GLIS3: variants seen among roughly 807,000 people sequenced by gnomAD.
GLIS3 encodes the protein zinc finger protein GLIS3.
Under a neutral mutation model 78.6 loss-of-function variants are expected in GLIS3, and 53 were observed. The observed-to-expected ratio is 0.67, with a 90% CI of 0.54 to 0.85. The LOEUF (loss-of-function observed/expected upper bound fraction) is 0.85. Among genes scored for constraint, GLIS3 ranks in the 40% least tolerant of loss-of-function variants. The probability of loss-of-function intolerance (pLI) is 0.00; values close to 1 mark genes in which losing one functional copy is unlikely to be tolerated. For missense variants in GLIS3, 1,703 were observed against 1,231.1 expected (o/e 1.38, Z -5.74); for synonymous variants, 684 against 509.9 (o/e 1.34, Z -4.60).
intron 2 of GLIS3, among the ~76,000 whole-genome samples, chr9:4,340,781 G>A (rs1048562074): frequency 2.6e-5 from 4 of 152,084 alleles, no homozygotes; most frequent in Non-Finnish European, 5.9e-5. Context: ...CTGAACCTCC[G>A]CCTCCTGGGT....
At chr9:4,370,714 T>C in the GLIS3 span, among the ~76,000 whole-genome samples, 1 of 151,364 alleles carries the variant, frequency 6.6e-6, no homozygotes, top group Non-Finnish European at 1.5e-5. Flanking sequence ...TAAAATATAT[T>C]ATTTTTAATT....
chr9:4,173,606 A>G (rs922109146), intron 2 of GLIS3, among the ~76,000 whole-genome samples: 2 of 145,768 alleles, frequency 1.4e-5, no homozygotes, highest in Non-Finnish European at 3.0e-5. Flanking sequence ...ACACACATAT[A>G]TATGTTTGTT....
intron 4 of GLIS3, among the ~76,000 whole-genome samples, chr9:4,000,717 C>CAGCT (rs1821070322): frequency 6.6e-6 from 1 of 152,206 alleles, no homozygotes; most frequent in South Asian, 2.1e-4. Context: ...GTTACCTTTG[C>CAGCT]AGCTTCCTCC....
intron 2 of GLIS3, among the ~76,000 whole-genome samples, chr9:4,236,206 AAGAAAG>A (rs1441287955): frequency 2.1e-5 from 3 of 140,354 alleles, no homozygotes; most frequent in Non-Finnish European, 4.7e-5. Context: ...AAAAAAAAAA[AAGAAAG>A]AAAGAAAGAA....
At chr9:4,125,211 C>T (rs762460297) in intron 3 of GLIS3, among the ~76,000 whole-genome samples, 22 of 152,204 alleles carry the variant, frequency 1.4e-4, no homozygotes, top group Non-Finnish European at 3.2e-4. Flanking sequence ...TATCTTTACT[C>T]TCTCTACTAG....
intron 2 of GLIS3, among the ~76,000 whole-genome samples, chr9:4,219,956 T>A (rs886951100): frequency 1.3e-5 from 2 of 152,138 alleles, no homozygotes; most frequent in African/African-American, 4.8e-5. Context: ...CAGCTCTCTG[T>A]GGAAATGGCT....
At chr9:4,219,862 G>C (rs1041619996) in intron 2 of GLIS3, among the ~76,000 whole-genome samples, 8 of 152,136 alleles carry the variant, frequency 5.3e-5, no homozygotes, top group Admixed American at 6.5e-5. Context: ...AGAGAGCCTA[G>C]AAGCAATGAC....
At chr9:4,372,593 A>G in the GLIS3 span, among the ~76,000 whole-genome samples, 3 of 151,752 alleles carry the variant, frequency 2.0e-5, no homozygotes, top group Non-Finnish European at 4.4e-5. Flanking sequence ...GCGTGCACCT[A>G]AATTCTAACT....
chr9:4,429,385 T>C, the GLIS3 span, among the ~76,000 whole-genome samples: 1 of 152,094 alleles, frequency 6.6e-6, no homozygotes, highest in South Asian at 2.1e-4. Flanking sequence ...TTGTGTTTTC[T>C]ATGTTTTCTC....
At chr9:4,488,908 CT>C in the GLIS3 span, among the ~76,000 whole-genome samples, 48 of 152,006 alleles carry the variant, frequency 3.2e-4, no homozygotes, top group African/African-American at 1.2e-3. Flanking sequence ...GCTCTGTCGC[CT>C]AGGCTGGAGC....
At chr9:3,966,791 CA>C (rs949252663) in intron 4 of GLIS3, among the ~76,000 whole-genome samples, 10 of 150,434 alleles carry the variant, frequency 6.6e-5, no homozygotes, top group African/African-American at 2.4e-4. Flanking sequence ...AAACAAAAAA[CA>C]AAAAACCCTT....
chr9:4,434,615 G>C, the GLIS3 span, among the ~76,000 whole-genome samples: 1 of 152,110 alleles, frequency 6.6e-6, no homozygotes, highest in African/African-American at 2.4e-5. Flanking sequence ...TGAATGGATG[G>C]ATACATGGAG....
chr9:4,373,780 G>C, the GLIS3 span, among the ~76,000 whole-genome samples: 1 of 150,758 alleles, frequency 6.6e-6, no homozygotes. Flanking sequence ...CAATTCTCCT[G>C]CCTCAGTCTC....
chr9:4,063,043 A>G lies in GLIS3; in HGVS notation c.1710+54725T>C, dbSNP rs184725003. On this transcript the variant is annotated intron_variant, in intron 4 of 10. Transcript: ENST00000381971. ...TTGGAATAAACTCTCTTGACTCTTTATCTCACCAGATTAATATACAGATGG... is the reference window on the plus strand; with the variant it reads ...TTGGAATAAACTCTCTTGACTCTTTGTCTCACCAGATTAATATACAGATGG... Among the ~76,000 whole-genome samples the G allele has an allele frequency of 2.6e-5, 4 of 152,270 alleles. No homozygotes were observed. In the East Asian group the frequency reaches 7.7e-4, roughly 29 times the overall value.
chr9:4,483,484 C>G, the GLIS3 span, among the ~76,000 whole-genome samples: 1 of 151,990 alleles, frequency 6.6e-6, no homozygotes, highest in African/African-American at 2.4e-5. Context: ...CTTTGGGAGG[C>G]CAAGGTGGGC....
At position 3,827,771 on chromosome 9, in the gene GLIS3, A is replaced by AAG. The variant is rs1215216679; in HGVS notation, c.*499_*500dup. ...GAAAAGGGAAACCCAGGGAGTTTCT[A>AAG]AGAGTTGAGACCACACTATGCTTTG... On this transcript the variant is annotated 3_prime_UTR_variant, in exon 11 of 11. Transcript: ENST00000381971. 20 of 172,024 alleles carry AAG rather than the reference A, an allele frequency of 1.2e-4. No individual in the cohort carries two copies. The highest frequency in any genetic ancestry group is 9.2e-4 in the Admixed American group (17 of 18,416). The allele number at this position is 172,024 out of a possible 1,614,324, so 10.7% of individuals were successfully genotyped here. A position where few individuals can be genotyped will look rare whatever the true frequency, so the allele number is the denominator to read the frequency against.
upstream of GLIS3, among the ~76,000 whole-genome samples, chr9:4,304,523 A>C (rs1817178352): frequency 6.6e-6 from 1 of 152,166 alleles, no homozygotes; most frequent in Admixed American, 6.5e-5. Flanking sequence ...GTTGCATCAT[A>C]CCCTGAATTC....
At chr9:4,367,411 C>G in the GLIS3 span, among the ~76,000 whole-genome samples, 14 of 152,084 alleles carry the variant, frequency 9.2e-5, no homozygotes, top group Non-Finnish European at 2.1e-4. Context: ...CTTCCGGAGG[C>G]CTTCCTTGAT....
At chr9:3,903,600 T>C (rs1823466594) in intron 6 of GLIS3, among the ~76,000 whole-genome samples, 1 of 152,164 alleles carries the variant, frequency 6.6e-6, no homozygotes, top group Admixed American at 6.5e-5. Flanking sequence ...GAACAAATAT[T>C]TATTGGGCCT....
Sources: allele counts gnomAD v4.1 joint callset (sites outside exome capture counted in the v4.1 genomes callset), GRCh38; gene constraint gnomAD v4.1.1; transcripts MANE v1.5; gene names NCBI Gene and HGNC (gene_info 2026-07-23, HGNC 2026-07-21).